EIF4G3: variants seen among roughly 807,000 people sequenced by gnomAD.
EIF4G3 encodes the protein eIF-4-gamma 3.
EIF4G3 carries 34 observed loss-of-function variants against 186.4 expected under a neutral mutation model. The observed-to-expected ratio is 0.18, with a 90% CI of 0.14 to 0.24. The LOEUF is 0.24. EIF4G3 is among the 10% of genes least tolerant of loss of function. EIF4G3 has a pLI of 1.00. For missense variants in EIF4G3, 1,536 were observed against 1,948.5 expected, an observed-to-expected ratio of 0.79 and a Z score of 3.99; for synonymous variants, 673 against 679.5, an observed-to-expected ratio of 0.99 and a Z score of 0.15.
chr1:20,940,108 G>A (rs1205733150), intron 14 of EIF4G3, among the ~76,000 whole-genome samples: 5 of 151,714 alleles, frequency 3.3e-5, no homozygotes, highest in Non-Finnish European at 7.4e-5. Flanking sequence ...CACCTACCTC[G>A]GCCTCCCAAA....
At chr1:21,089,274 T>C (rs1312246502) in intron 2 of EIF4G3, 61 bp from the exon 3 acceptor site, 18 of 704,888 alleles carry the variant, frequency 2.6e-5, no homozygotes, top group South Asian at 9.1e-5. Flanking sequence ...TTAGAGAAAA[T>C]TGCAACCACA....
At chr1:20,825,292 T>C in intron 32 of EIF4G3, 94 bp from the exon 33 acceptor site, 1 of 946,916 alleles carries the variant, frequency 1.1e-6, no homozygotes, top group East Asian at 2.6e-5. Flanking sequence ...AGTCAAACAG[T>C]GCAAACCCCA....
intron 29 of EIF4G3, among the ~76,000 whole-genome samples, chr1:20,846,392 T>C (rs1167721404): frequency 3.3e-5 from 5 of 152,232 alleles, no homozygotes; most frequent in Non-Finnish European, 5.9e-5. Flanking sequence ...TATATCATTA[T>C]ACTCACAGTG....
chr1:21,148,146 G>A (rs1269967223), intron 2 of EIF4G3, among the ~76,000 whole-genome samples: 1 of 152,116 alleles, frequency 6.6e-6, no homozygotes, highest in African/African-American at 2.4e-5. Context: ...ATAATTCACT[G>A]CAGCCTCAAA....
chr1:20,966,455 T>C (rs1295818172), intron 12 of EIF4G3, among the ~76,000 whole-genome samples: 1 of 152,082 alleles, frequency 6.6e-6, no homozygotes, highest in Non-Finnish European at 1.5e-5. Context: ...TTCTAGCTTC[T>C]TCTGAAACAA....
intron 14 of EIF4G3, among the ~76,000 whole-genome samples, chr1:20,913,219 C>T (rs1412781795): frequency 6.6e-6 from 1 of 152,100 alleles, no homozygotes; most frequent in Admixed American, 6.6e-5. Flanking sequence ...GAGGTCCTAG[C>T]ACTAGAAACA....
chr1:20,826,296 A>T (rs1038524068), intron 32 of EIF4G3, among the ~76,000 whole-genome samples: 4 of 151,994 alleles, frequency 2.6e-5, no homozygotes, highest in African/African-American at 9.7e-5. Context: ...CCTCCCAAGT[A>T]GCTGGGATTA....
At chr1:21,068,389 A>AAAAAAAAAAAAAAAAAAAAAAAAAC (rs1557804539) in intron 3 of EIF4G3, among the ~76,000 whole-genome samples, 1 of 149,976 alleles carries the variant, frequency 6.7e-6, no homozygotes, top group Non-Finnish European at 1.5e-5. Context: ...AAAAAAAAAA[A>AAAAAAAAAAAAAAAAAAAAAAAAAC]AAAAAAAAAA....
chr1:20,913,177 C>T lies in EIF4G3; in HGVS notation c.1664-8206G>A, dbSNP rs113255506. ...ATCTTTCTGCTCTATCACTACTTCA[C>T]AAAGAGCTTGAATTACATGAGTTAG... On this transcript the variant is annotated intron_variant, in intron 14 of 36. Transcript: ENST00000602326. 3.9e-3 allele frequency among the ~76,000 whole-genome samples: 599 copies of T among 152,224 alleles called. 6 individuals carry two copies. Among genetic ancestry groups the T allele is most frequent in the African/African-American group, 0.014 (561 of 41,528 alleles).
rs535341005 is a variant in EIF4G3 at position 20,806,830 on chromosome 1, A to G, written c.*489T>C. ...AATCTTTCTTACCTTGTTCACCCCA[A>G]ACTTTCTCAAATCTGGACTAAATGC... On this transcript the variant is annotated 3_prime_UTR_variant, in exon 37 of 37. Transcript: ENST00000602326. 185 of 152,612 alleles carry G rather than the reference A, an allele frequency of 1.2e-3. 1 individual carries two copies. The highest frequency in any genetic ancestry group is 4.3e-3 in the African/African-American group (179 of 41,546). 9.5% of individuals were successfully genotyped at this position (152,612 alleles called of 1,614,324 possible). A position where few individuals can be genotyped will look rare whatever the true frequency, so the allele number is the denominator to read the frequency against.
intron 29 of EIF4G3, chr1:20,848,058 C>CAA: frequency 4.3e-5 from 14 of 326,556 alleles, no homozygotes; most frequent in Non-Finnish European, 7.7e-5. Flanking sequence ...CTCTGCCTCC[C>CAA]GGGCTTCAAG....
intron 3 of EIF4G3, among the ~76,000 whole-genome samples, chr1:21,053,618 A>C (rs1223073510): frequency 1.5e-5 from 2 of 133,076 alleles, no homozygotes; most frequent in African/African-American, 2.8e-5. Context: ...CCGCCCGGCC[A>C]CCCGCCCCGT....
At chr1:20,853,418 G>C (rs1374997704) in intron 27 of EIF4G3, 142 bp downstream of exon 27, 1 of 548,156 alleles carries the variant, frequency 1.8e-6, no homozygotes, top group African/African-American at 1.9e-5. Flanking sequence ...AGAAATTATA[G>C]TGTGTGAAGA....
In EIF4G3 at chr1:20,864,700, T is replaced by C. The variant is rs1292767310; in HGVS notation, c.2782A>G (p.Thr928Ala). 6.2e-7 allele frequency: 1 copy of C among 1,613,858 alleles called. No homozygotes were observed. The highest frequency in any genetic ancestry group is 1.3e-5 in the African/African-American group (1 of 74,930). The change falls in exon 22 of 37, where the codon ACA becomes GCA. Residue 928 changes from threonine (T) to alanine (A), a missense_variant. Coordinates refer to ENST00000602326, the MANE Select transcript of EIF4G3 (RefSeq NM_001391906.1). The stretch of plus-strand genomic sequence containing the variant: ...TCTTCCAGTTCATCATGAAGCCTTG[T>C]CCTCTCCTCTGGCTGTTGTGTAAGG... The part of the protein sequence containing the change: ...LEAASAPEER[T>A]RLHDELEEAK...
intron 33 of EIF4G3, among the ~76,000 whole-genome samples, chr1:20,820,535 G>A (rs993517944): frequency 1.8e-4 from 27 of 152,196 alleles, no homozygotes; most frequent in African/African-American, 6.3e-4. Context: ...TCCCCAGTAA[G>A]GCCCCACCCT....
At chr1:20,863,136 T>C (rs2076718060) in intron 22 of EIF4G3, among the ~76,000 whole-genome samples, 2 of 152,090 alleles carry the variant, frequency 1.3e-5, no homozygotes, top group African/African-American at 4.8e-5. Context: ...AAATAAAGAC[T>C]ACATTTTTCT....
chr1:20,915,990 G>C (rs1288542358), intron 14 of EIF4G3, among the ~76,000 whole-genome samples: 2 of 152,066 alleles, frequency 1.3e-5, no homozygotes, highest in African/African-American at 4.8e-5. Context: ...ACAAGACTAG[G>C]AAGTATACTT....
chr1:21,118,931 TAAAAAAAAAAAAAAA>T (rs35040627), intron 2 of EIF4G3, among the ~76,000 whole-genome samples: 3 of 86,170 alleles, frequency 3.5e-5, no homozygotes, highest in Non-Finnish European at 6.5e-5. Context: ...CAAGCTCTAT[TAAAAAAAAAAAAAAA>T]AAAAAAAAAG....
chr1:20,994,212 C>A (rs2081757436), intron 7 of EIF4G3, among the ~76,000 whole-genome samples: 1 of 152,190 alleles, frequency 6.6e-6, no homozygotes, highest in Non-Finnish European at 1.5e-5. Context: ...CAATACCTAT[C>A]CCATAGTGAA....
Sources: gnomAD v4.1 joint callset for allele counts (sites outside exome capture counted in the v4.1 genomes callset) on GRCh38, gnomAD v4.1.1 for gene constraint, MANE v1.5 for transcripts, NCBI Gene and HGNC (gene_info 2026-07-23, HGNC 2026-07-21) for gene names.